DNAJC15: variants seen among roughly 807,000 people sequenced by gnomAD.
DNAJC15 encodes DnaJ heat shock protein family (Hsp40) member C15.
In DNAJC15, 27 loss-of-function variants were observed where a neutral mutation model predicts 22.4. That is an observed-to-expected ratio of 1.20 (90% confidence interval 0.89 to 1.66). The LOEUF (loss-of-function observed/expected upper bound fraction) is 1.66. DNAJC15 is among the 40% of genes most tolerant of loss of function. The pLI is 0.00. For missense variants in DNAJC15, 208 were observed against 187.1 expected, an observed-to-expected ratio of 1.11 and a Z score of -0.65; for synonymous variants, 79 against 63.2, an observed-to-expected ratio of 1.25 and a Z score of -1.19.
intron 1 of DNAJC15, among the ~76,000 whole-genome samples, chr13:43,039,073 A>G (rs1446654642): frequency 2.6e-5 from 4 of 152,198 alleles, no homozygotes; most frequent in Admixed American, 1.3e-4. Context: ...TTTATAATCC[A>G]TTAAAGGTAA....
chr13:43,034,350 G>C lies in DNAJC15; in HGVS notation c.108+10616G>C, dbSNP rs186301354. 4.7e-3 allele frequency among the ~76,000 whole-genome samples: 539 copies of C among 114,100 alleles called. 8 individuals are homozygous for C. The highest frequency in any genetic ancestry group is 0.017 in the African/African-American group (487 of 28,804). The allele number at this position is 114,100 out of a possible 152,430, so 74.9% of individuals were successfully genotyped here. A position where few individuals can be genotyped will look rare whatever the true frequency, so the allele number is the denominator to read the frequency against. On this transcript the variant is annotated intron_variant, in intron 1 of 5. Transcript: ENST00000379221. The stretch of plus-strand genomic sequence containing the variant: ...TTTTTTTTTGAGACAGAGTCTCGCT[G>C]TGTCGCCCAGACTGGAGTGCAGTGG...
chr13:43,060,936 G>A (rs191164811), intron 1 of DNAJC15, among the ~76,000 whole-genome samples: 1 of 152,312 alleles, frequency 6.6e-6, no homozygotes, highest in East Asian at 1.9e-4. Context: ...TTCCTGACAT[G>A]TGAGTAAAGT....
chr13:43,107,493 T>A lies in DNAJC15; in HGVS notation c.*245T>A, dbSNP rs1218884185. ...TTTGTTTGTGACATTCATACATTTT[T>A]AAGATTTTTGTTATGTTCTGAATTC... On this transcript the variant is annotated 3_prime_UTR_variant, in exon 6 of 6. Transcript: ENST00000379221. 1.4e-5 allele frequency: 4 copies of A among 283,406 alleles called. No individual in the cohort carries two copies. The East Asian group carries it at 2.6e-4, about 19-fold the overall frequency. The allele number at this position is 283,406 out of a possible 1,614,324, so 17.6% of individuals were successfully genotyped here. A position where few individuals can be genotyped will look rare whatever the true frequency, so the allele number is the denominator to read the frequency against.
intron 5 of DNAJC15, among the ~76,000 whole-genome samples, chr13:43,086,640 T>C (rs2040690102): frequency 6.6e-6 from 1 of 152,232 alleles, no homozygotes; most frequent in Non-Finnish European, 1.5e-5. Flanking sequence ...AAAGTTTTTT[T>C]CGCTAAGCAT....
At chr13:43,074,957 A>C (rs138745020) in intron 3 of DNAJC15, among the ~76,000 whole-genome samples, 1 of 152,174 alleles carries the variant, frequency 6.6e-6, no homozygotes, top group African/African-American at 2.4e-5. Flanking sequence ...GCTGAGGCCA[A>C]CTTTTTGTAT....
intron 1 of DNAJC15, among the ~76,000 whole-genome samples, chr13:43,036,584 A>G (rs555260139): frequency 6.6e-6 from 1 of 152,210 alleles, no homozygotes; most frequent in Admixed American, 6.5e-5. Context: ...CCTAGGCTTC[A>G]GGCCAGTCCT....
At chr13:43,102,039 A>G (rs912357316) in intron 5 of DNAJC15, among the ~76,000 whole-genome samples, 1 of 152,186 alleles carries the variant, frequency 6.6e-6, no homozygotes, top group African/African-American at 2.4e-5. Flanking sequence ...AGTTATACTC[A>G]CACCAGCAGT....
intron 2 of DNAJC15, 43 bp from the exon 3 acceptor site, chr13:43,068,887 G>T: frequency 6.4e-7 from 1 of 1,551,400 alleles, no homozygotes; most frequent in South Asian, 1.2e-5. Context: ...GATTGATTTT[G>T]ATTATAGAAA....
chr13:43,080,761 A>G (rs947018139), intron 4 of DNAJC15, among the ~76,000 whole-genome samples: 7 of 152,216 alleles, frequency 4.6e-5, no homozygotes, highest in African/African-American at 1.7e-4. Context: ...CATAATACCT[A>G]CCAAATATCA....
intron 2 of DNAJC15, among the ~76,000 whole-genome samples, chr13:43,066,916 G>T (rs2040587085): frequency 6.6e-6 from 1 of 152,210 alleles, no homozygotes; most frequent in African/African-American, 2.4e-5. Flanking sequence ...ACCGTGCCCG[G>T]CCCATTCGAA....
chr13:43,069,072 C>T (rs2040596856), intron 3 of DNAJC15, 69 bp downstream of exon 3: 1 of 1,419,226 alleles, frequency 7.0e-7, no homozygotes, highest in African/African-American at 1.4e-5. Flanking sequence ...TTTCAATTAA[C>T]TTAGAAAATG....
intron 1 of DNAJC15, among the ~76,000 whole-genome samples, chr13:43,057,274 A>G (rs2040536303): frequency 6.6e-6 from 1 of 152,148 alleles, no homozygotes; most frequent in African/African-American, 2.4e-5. Flanking sequence ...ACGTAATCCC[A>G]AACTTCTTGG....
Position 43,085,390 on chromosome 13 carries a change from G to C in DNAJC15, c.312-378G>C, listed in dbSNP as rs117607639. 4.3e-4 allele frequency among the ~76,000 whole-genome samples: 65 copies of C among 151,896 alleles called. No homozygotes were observed. The East Asian group carries it at 9.9e-3, about 23-fold the overall frequency. On this transcript the variant is annotated intron_variant, in intron 4 of 5. Coordinates refer to ENST00000379221, the MANE Select transcript of DNAJC15 (RefSeq NM_013238.3). ...GGGGGTGGGGGGGGAAAGTCCAGCA[G>C]TATGCCTCTGGAATCCAAATACTTG...
chr13:43,083,323 A>G (rs1428429268), intron 4 of DNAJC15, among the ~76,000 whole-genome samples: 2 of 151,936 alleles, frequency 1.3e-5, no homozygotes, highest in Non-Finnish European at 2.9e-5. Flanking sequence ...GCCCGCCACC[A>G]CGCCTGGCTA....
chr13:43,052,386 A>G (rs1367041511), intron 1 of DNAJC15, among the ~76,000 whole-genome samples: 1 of 151,574 alleles, frequency 6.6e-6, no homozygotes, highest in African/African-American at 2.4e-5. Context: ...CTATTTGTGT[A>G]TCTTCTTTTG....
chr13:43,026,080 T>C (rs1426721802), intron 1 of DNAJC15, among the ~76,000 whole-genome samples: 1 of 152,206 alleles, frequency 6.6e-6, no homozygotes, highest in Non-Finnish European at 1.5e-5. Flanking sequence ...ATGTATTATA[T>C]TGGCTTTTCA....
In DNAJC15 at chr13:43,078,596, T is replaced by C; in HGVS notation, c.235-16T>C. ...ACGTGGAACTAATGATTTCTTGCTC[T>C]TTCTTTCCTATACAGAGCTTTTCAT... On this transcript the variant is annotated splice_polypyrimidine_tract_variant and intron_variant, in intron 3 of 5. Transcript: ENST00000379221. 1 of 1,608,602 alleles carries C rather than the reference T, an allele frequency of 6.2e-7. No individual in the cohort carries two copies. The highest frequency in any genetic ancestry group is 8.5e-7 in the Non-Finnish European group (1 of 1,176,244).
intron 1 of DNAJC15, among the ~76,000 whole-genome samples, chr13:43,060,755 TGACTAATAAAGGCCG>T (rs2040554974): frequency 6.6e-6 from 1 of 152,200 alleles, no homozygotes; most frequent in Admixed American, 6.5e-5. Flanking sequence ...TTGGGTGATT[TGACTAATAAAGGCCG>T]GTCTGTTATT....
At chr13:43,055,551 C>T (rs1307321594) in intron 1 of DNAJC15, among the ~76,000 whole-genome samples, 1 of 152,150 alleles carries the variant, frequency 6.6e-6, no homozygotes, top group Non-Finnish European at 1.5e-5. Context: ...TTGGTATTTA[C>T]CCCAGACAAC....
Sources: allele counts gnomAD v4.1 joint callset (sites outside exome capture counted in the v4.1 genomes callset), GRCh38; gene constraint gnomAD v4.1.1; transcripts MANE v1.5; gene names NCBI Gene and HGNC (gene_info 2026-07-23, HGNC 2026-07-21).